The following PLXDC1 variants were observed in gnomAD, a reference collection of about 807,000 sequenced individuals.
PLXDC1 encodes plexin domain containing 1, also known as plexin domain-containing protein 1.
Under a neutral mutation model 61.3 loss-of-function variants are expected in PLXDC1, and 39 were observed. The observed-to-expected ratio is 0.64, with a 90% CI of 0.49 to 0.83. The LOEUF is 0.83. Among genes scored for constraint, PLXDC1 ranks in the 40% least tolerant of loss-of-function variants. The pLI, the probability that PLXDC1 is intolerant of heterozygous loss-of-function variation, is 0.00. For synonymous variants in PLXDC1, 212 were observed against 254.5 expected, an observed-to-expected ratio of 0.83 and a Z score of 1.59; for missense variants, 596 against 666.5, an observed-to-expected ratio of 0.89 and a Z score of 1.17.
intron 2 of PLXDC1, among the ~76,000 whole-genome samples, chr17:39,132,842 G>A (rs904410620): frequency 1.3e-5 from 2 of 152,026 alleles, no homozygotes; most frequent in African/African-American, 4.8e-5. Flanking sequence ...AGGCATGGCA[G>A]CCCACCCGCC....
upstream of PLXDC1, chr17:39,152,319 G>A: frequency 5.3e-6 from 2 of 380,720 alleles, no homozygotes; most frequent in Non-Finnish European, 9.1e-6. Flanking sequence ...GCCTCTCTGG[G>A]GCCTCCAGGC....
At chr17:39,092,432 C>T (rs556851652) in intron 7 of PLXDC1, among the ~76,000 whole-genome samples, 14 of 152,302 alleles carry the variant, frequency 9.2e-5, no homozygotes, top group Admixed American at 6.5e-4. Context: ...TCTACTTAAA[C>T]GAGAAAACTA....
intron 7 of PLXDC1, among the ~76,000 whole-genome samples, chr17:39,096,619 C>T (rs940848399): frequency 3.9e-5 from 6 of 152,130 alleles, no homozygotes; most frequent in African/African-American, 1.4e-4. Context: ...AGGAAAGTTC[C>T]GGTAAAGGAG....
At chr17:39,146,649 T>C (rs2045344233) in intron 1 of PLXDC1, among the ~76,000 whole-genome samples, 1 of 151,016 alleles carries the variant, frequency 6.6e-6, no homozygotes, top group Non-Finnish European at 1.5e-5. Flanking sequence ...TTGTCTTTTT[T>C]ATAATAAAAA....
intron 11 of PLXDC1, chr17:39,072,712 G>A: frequency 1.8e-6 from 1 of 564,076 alleles, no homozygotes; most frequent in Non-Finnish European, 3.2e-6. Flanking sequence ...TGGGAGTGGA[G>A]GGCCGGCTGC....
intron 1 of PLXDC1, among the ~76,000 whole-genome samples, chr17:39,145,513 C>T (rs544663835): frequency 1.3e-5 from 2 of 152,328 alleles, no homozygotes; most frequent in Admixed American, 1.3e-4. Context: ...TAATCTCCCC[C>T]ACCATAGCCA....
At chr17:39,103,909 AAAC>A (rs761922171) in intron 7 of PLXDC1, among the ~76,000 whole-genome samples, 5 of 151,896 alleles carry the variant, frequency 3.3e-5, no homozygotes, top group Non-Finnish European at 5.9e-5. Context: ...AGGGATGTGC[AAAC>A]AAGTAAAGGT....
chr17:39,143,073 G>T (rs1426326086), intron 1 of PLXDC1, among the ~76,000 whole-genome samples: 1 of 152,184 alleles, frequency 6.6e-6, no homozygotes, highest in Non-Finnish European at 1.5e-5. Flanking sequence ...GGGAGGCAGA[G>T]GTTGCAGTGA....
At chr17:39,107,694 C>G (rs1203223159) in intron 5 of PLXDC1, 169 bp from the exon 6 acceptor site, 1 of 650,576 alleles carries the variant, frequency 1.5e-6, no homozygotes, top group Non-Finnish European at 2.8e-6. Flanking sequence ...AGCAGCGCGG[C>G]TTCCAAGCAG....
chr17:39,143,602 A>C (rs1398260676), intron 1 of PLXDC1, among the ~76,000 whole-genome samples: 1 of 152,264 alleles, frequency 6.6e-6, no homozygotes, highest in Admixed American at 6.5e-5. Flanking sequence ...GGCCAGGCCC[A>C]GGCCTGGGGC....
At chr17:39,087,752 C>T in intron 7 of PLXDC1, 50 bp from the exon 8 acceptor site, 1 of 1,344,466 alleles carries the variant, frequency 7.4e-7, no homozygotes, top group Non-Finnish European at 1.1e-6. Flanking sequence ...AGGCAGAGGG[C>T]ATCGAGGCCT....
intron 7 of PLXDC1, among the ~76,000 whole-genome samples, chr17:39,102,193 G>A (rs939281709): frequency 4.6e-5 from 7 of 152,068 alleles, no homozygotes; most frequent in Admixed American, 1.3e-4. Flanking sequence ...GCCCAAGCCA[G>A]GCACAGTGCC....
chr17:39,146,033 T>A (rs1479422952), intron 1 of PLXDC1, among the ~76,000 whole-genome samples: 2 of 151,196 alleles, frequency 1.3e-5, no homozygotes, highest in African/African-American at 4.9e-5. Context: ...AGTATAGGAG[T>A]AATTAAGCAT....
intron 8 of PLXDC1, among the ~76,000 whole-genome samples, chr17:39,084,932 A>G (rs1016607173): frequency 7.2e-5 from 11 of 152,218 alleles, no homozygotes; most frequent in African/African-American, 2.7e-4. Context: ...AGCTGTCACA[A>G]AGCCCGTATA....
Position 39,119,752 on chromosome 17 carries a change from AT to A in PLXDC1, c.256-10362del, listed in dbSNP as rs554683599. On this transcript the variant is annotated intron_variant, in intron 2 of 13. Coordinates refer to ENST00000315392, the MANE Select transcript of PLXDC1 (RefSeq NM_020405.5). ...AGAGTGAGACCCTGTCTCAAAAAAA[AT>A]TTTTTTTTAACTTCATTTTTAAAAA... Among the ~76,000 whole-genome samples, 170 of 151,938 alleles carry A rather than the reference AT, an allele frequency of 1.1e-3. 1 individual carries two copies. The South Asian group carries it at 0.03, about 27-fold the overall frequency.
chr17:39,128,165 A>ATATATATGTATATATATGTGTATATG, intron 2 of PLXDC1, among the ~76,000 whole-genome samples: 1 of 99,152 alleles, frequency 1.0e-5, no homozygotes, highest in Non-Finnish European at 1.9e-5. Flanking sequence ...ATATATATGT[A>ATATATATGTATATATATGTGTATATG]TATATATGTA....
chr17:39,092,489 A>G (rs527800548), intron 7 of PLXDC1, among the ~76,000 whole-genome samples: 86 of 152,374 alleles, frequency 5.6e-4, no homozygotes, highest in Middle Eastern at 3.4e-3. Context: ...CTCCTTCAGC[A>G]TGTCGGTGCA....
rs568883098 is a variant in PLXDC1 at position 39,148,844 on chromosome 17, A to C, written c.76+2518T>G. ...CTCCCAAAGTGTTAGGATCACAAGC[A>C]TGAGCCACCGTGACTGGTGCAAGCC... On this transcript the variant is annotated intron_variant, in intron 1 of 13. Coordinates refer to ENST00000315392, the MANE Select transcript of PLXDC1 (RefSeq NM_020405.5). Among the ~76,000 whole-genome samples, 3 of 152,284 alleles carry C rather than the reference A, an allele frequency of 2.0e-5. No homozygotes were observed. In the East Asian group the frequency reaches 5.8e-4, roughly 29 times the overall value.
At chr17:39,078,210 C>T (rs903333657) in intron 10 of PLXDC1, among the ~76,000 whole-genome samples, 162 bp from the exon 11 acceptor site, 2 of 152,196 alleles carry the variant, frequency 1.3e-5, no homozygotes, top group Non-Finnish European at 2.9e-5. Context: ...CAAATCTGAA[C>T]GGTCACCAAC....
Sources: gnomAD v4.1 joint callset for allele counts (sites outside exome capture counted in the v4.1 genomes callset) on GRCh38, gnomAD v4.1.1 for gene constraint, MANE v1.5 for transcripts, NCBI Gene and HGNC (gene_info 2026-07-23, HGNC 2026-07-21) for gene names.